The following RAPGEF2 variants were observed in gnomAD, a reference collection of about 807,000 sequenced individuals.
RAPGEF2 encodes PDZ domain containing guanine nucleotide exchange factor (GEF) 1.
A neutral mutation model predicts 186.7 loss-of-function variants in RAPGEF2; 54 were observed. The ratio of observed to expected loss-of-function variants is 0.29; its 90% CI spans 0.23 to 0.36. RAPGEF2 has a LOEUF of 0.36. RAPGEF2 is among the 10% of genes least tolerant of loss of function. The pLI is 1.00. For missense variants in RAPGEF2, 1,532 were observed against 2,045.0 expected, an observed-to-expected ratio of 0.75 and a Z score of 4.84; for synonymous variants, 712 against 705.9, an observed-to-expected ratio of 1.01 and a Z score of -0.14.
chr4:159,158,277 G>A (rs1042816660), intron 1 of RAPGEF2, among the ~76,000 whole-genome samples: 2 of 152,106 alleles, frequency 1.3e-5, no homozygotes, highest in Non-Finnish European at 2.9e-5. Flanking sequence ...ATCTTTCATT[G>A]TTCTCCTTAT....
At chr4:159,339,576 T>A (rs1253366822) in intron 19 of RAPGEF2, among the ~76,000 whole-genome samples, 1 of 152,170 alleles carries the variant, frequency 6.6e-6, no homozygotes, top group Non-Finnish European at 1.5e-5. Context: ...AGGAACTTGT[T>A]CAAGGCCACT....
chr4:159,247,873 C>T (rs896938288), intron 7 of RAPGEF2, among the ~76,000 whole-genome samples: 1 of 148,206 alleles, frequency 6.7e-6, no homozygotes, highest in Non-Finnish European at 1.5e-5. Flanking sequence ...AGCGATTCTC[C>T]TGCCTCAGCC....
intron 1 of RAPGEF2, among the ~76,000 whole-genome samples, chr4:159,175,605 CTTT>C (rs1746376746): frequency 6.6e-6 from 1 of 152,178 alleles, no homozygotes; most frequent in African/African-American, 2.4e-5. Context: ...TCATCATATT[CTTT>C]AAGATGATCT....
At chr4:159,339,050 C>T in intron 18 of RAPGEF2, 64 bp from the exon 19 acceptor site, 1 of 1,547,718 alleles carries the variant, frequency 6.5e-7, no homozygotes, top group South Asian at 1.3e-5. Context: ...GATTACTTTG[C>T]TTAATTGCAT....
At chr4:159,174,236 A>G (rs1746212829) in intron 1 of RAPGEF2, among the ~76,000 whole-genome samples, 1 of 152,238 alleles carries the variant, frequency 6.6e-6, no homozygotes, top group South Asian at 2.1e-4. Flanking sequence ...TTAGGTTGCT[A>G]AACATAACAC....
Position 159,104,160 on chromosome 4 carries a change from G to T in RAPGEF2, c.-3G>T, listed in dbSNP as rs1214270845. The stretch of plus-strand genomic sequence containing the variant: ...GCGGCCCCGGCCCGCTCCCAGAGGG[G>T]AGATGGCGTCCTACGTAGATAACAG... On this transcript the variant is annotated 5_prime_UTR_variant, in exon 1 of 30. Coordinates refer to ENST00000691494, the MANE Select transcript of RAPGEF2 (RefSeq NM_001394067.2). 2.2e-5 allele frequency: 33 copies of T among 1,525,430 alleles called. No homozygotes were observed. The highest frequency in any genetic ancestry group is 2.9e-5 in the Non-Finnish European group (33 of 1,141,068). The allele number at this position is 1,525,430 out of a possible 1,614,324, so 94.5% of individuals were successfully genotyped here.
chr4:159,118,672 G>A lies in RAPGEF2; in HGVS notation c.69+14441G>A, dbSNP rs570528776. On this transcript the variant is annotated intron_variant, in intron 1 of 29. Coordinates refer to ENST00000691494, the MANE Select transcript of RAPGEF2 (RefSeq NM_001394067.2). ...GCGATCTCAGCTCACCGCAACCTCC[G>A]CCTCCCGGGTTCAAGCGATTCTCCT... Among the ~76,000 whole-genome samples the A allele has an allele frequency of 7.9e-5, 12 of 152,138 alleles. No homozygotes were observed. In the South Asian group the frequency reaches 2.1e-3, roughly 26 times the overall value.
chr4:159,123,794 A>C (rs560852473), intron 1 of RAPGEF2, among the ~76,000 whole-genome samples: 64 of 151,748 alleles, frequency 4.2e-4, no homozygotes, highest in African/African-American at 1.5e-3. Context: ...CTGGGATTAC[A>C]GGTGTGAGCC....
chr4:159,228,105 A>G (rs1191917944), intron 4 of RAPGEF2: 3 of 152,190 alleles, frequency 2.0e-5, no homozygotes, highest in Non-Finnish European at 4.4e-5. Flanking sequence ...TGAGGCTGGT[A>G]TGCGAAAAGA....
chr4:159,318,428 A>C (rs1431391920), intron 9 of RAPGEF2, among the ~76,000 whole-genome samples: 1 of 152,220 alleles, frequency 6.6e-6, no homozygotes, highest in Non-Finnish European at 1.5e-5. Context: ...TCCCCTGCAA[A>C]AAAGGGACAG....
intron 1 of RAPGEF2, among the ~76,000 whole-genome samples, chr4:159,141,961 G>GT (rs1742390047): frequency 6.6e-6 from 1 of 152,228 alleles, no homozygotes; most frequent in African/African-American, 2.4e-5. Flanking sequence ...GTATCTCAGT[G>GT]TATCACTGTT....
rs375674466 is a variant in RAPGEF2 at position 159,256,236 on chromosome 4, T to C, written c.543+12445T>C. ...TGATGTTCTTCCCAGTATGGCCCCC[T>C]GCAGGCCACAGTGTCTGTTGTTCCC... On this transcript the variant is annotated intron_variant, in intron 7 of 29. Coordinates refer to ENST00000691494, the MANE Select transcript of RAPGEF2 (RefSeq NM_001394067.2). Among the ~76,000 whole-genome samples the C allele has an allele frequency of 1.4e-4, 21 of 152,302 alleles. No individual in the cohort carries two copies. The East Asian group carries it at 1.5e-3, about 11-fold the overall frequency.
At chr4:159,247,002 A>C (rs1754713634) in intron 7 of RAPGEF2, among the ~76,000 whole-genome samples, 1 of 152,124 alleles carries the variant, frequency 6.6e-6, no homozygotes, top group African/African-American at 2.4e-5. Flanking sequence ...ATACAGGGGA[A>C]ATTTCTTAGT....
At chr4:159,184,462 T>C (rs1747351655) in intron 1 of RAPGEF2, among the ~76,000 whole-genome samples, 1 of 152,202 alleles carries the variant, frequency 6.6e-6, no homozygotes, top group Non-Finnish European at 1.5e-5. Context: ...TATCTCATTG[T>C]GGTTTTGATT....
Position 159,343,290 on chromosome 4 carries a change from C to T in RAPGEF2, c.3140C>T (p.Ser1047Leu), listed in dbSNP as rs1729807597. ...CCTCTGTCAATTTCAGGAAATGACT[C>T]AAAAGTAGACGGGCTGGTCAATTTT... ...DLTFLHEGND[S>L]KVDGLVNFEK... The change falls in exon 22 of 30, where the codon TCA becomes TTA. Residue 1047 changes from serine to leucine, a missense_variant. Ser to Leu is a moderately radical substitution (Grantham distance 145). Around this residue, in one of 4 missense-constraint regions of RAPGEF2, gnomAD observed 117 missense variants for 180.8 expected, o/e 0.65. Transcript: ENST00000691494. 6.2e-7 allele frequency: 1 copy of T among 1,613,884 alleles called. No individual in the cohort carries two copies. The highest frequency in any genetic ancestry group is 1.3e-5 in the African/African-American group (1 of 74,874).
intron 4 of RAPGEF2, among the ~76,000 whole-genome samples, chr4:159,225,704 T>C (rs1466958036): frequency 6.6e-6 from 1 of 152,164 alleles, no homozygotes; most frequent in Admixed American, 6.5e-5. Context: ...GTATTCTTAC[T>C]GTGGTTTTTA....
intron 7 of RAPGEF2, chr4:159,268,106 A>T: frequency 6.3e-6 from 10 of 1,595,008 alleles, no homozygotes; most frequent in South Asian, 1.1e-5. Flanking sequence ...TGCCATCGTG[A>T]GAGATTGGTA....
At chr4:159,109,858 A>G (rs746377555) in intron 1 of RAPGEF2, among the ~76,000 whole-genome samples, 1 of 152,188 alleles carries the variant, frequency 6.6e-6, no homozygotes, top group Non-Finnish European at 1.5e-5. Context: ...TGTGCTGGGA[A>G]CCAGGGGACT....
At chr4:159,334,436 G>C (rs1298612416) in intron 17 of RAPGEF2, among the ~76,000 whole-genome samples, 2 of 151,882 alleles carry the variant, frequency 1.3e-5, no homozygotes, top group African/African-American at 4.8e-5. Context: ...TTTTAGTAGA[G>C]ACAAGATTTT....
Sources: gnomAD v4.1 joint callset for allele counts (sites outside exome capture counted in the v4.1 genomes callset) on GRCh38, gnomAD v4.1.1 for gene constraint, gnomAD v4.1.1 regional missense constraint, MANE v1.5 for transcripts, NCBI Gene and HGNC (gene_info 2026-07-23, HGNC 2026-07-21) for gene names.